Variants in GALNT10 observed in about 807,000 individuals in gnomAD.
The protein encoded by GALNT10 is GalNAc transferase 10.
A neutral mutation model predicts 75.0 loss-of-function variants in GALNT10; 41 were observed. That is an observed-to-expected ratio of 0.55 (90% CI 0.43 to 0.71). GALNT10 has a LOEUF of 0.71. Ranked by LOEUF, GALNT10 falls within the 30% of genes least tolerant of loss-of-function variation. The pLI, the probability that GALNT10 is intolerant of heterozygous loss-of-function variation, is 0.00. For missense variants in GALNT10, 727 were observed against 818.5 expected (o/e 0.89, Z 1.36); for synonymous variants, 302 against 313.0 (o/e 0.96, Z 0.37).
chr5:154,381,637 T>C (rs1446299309), intron 6 of GALNT10, among the ~76,000 whole-genome samples: 1 of 152,222 alleles, frequency 6.6e-6, no homozygotes, highest in African/African-American at 2.4e-5. Flanking sequence ...AAAATCATAG[T>C]GTCGGCAGGG....
At chr5:154,338,212 C>A in intron 4 of GALNT10, 2 of 752,568 alleles carry the variant, frequency 2.7e-6, no homozygotes, top group South Asian at 2.7e-5. Context: ...GCCTTGCATT[C>A]ATGGCTGCAT....
chr5:154,273,783 C>A (rs1368453320), intron 1 of GALNT10, among the ~76,000 whole-genome samples: 1 of 152,074 alleles, frequency 6.6e-6, no homozygotes, highest in African/African-American at 2.4e-5. Context: ...TTAAAAATGC[C>A]GTGAAGGAGT....
intron 4 of GALNT10, among the ~76,000 whole-genome samples, chr5:154,330,908 G>GGGGTGTGTGT (rs769311099): frequency 9.9e-4 from 125 of 126,036 alleles, no homozygotes; most frequent in African/African-American, 2.1e-3. Context: ...AGACAGAGAG[G>GGGGTGTGTGT]GTGTGTGTGT....
chr5:154,405,182 C>T (rs1384227428), intron 8 of GALNT10, among the ~76,000 whole-genome samples: 10 of 152,162 alleles, frequency 6.6e-5, no homozygotes, highest in Non-Finnish European at 1.3e-4. Context: ...CTGTCCAGGG[C>T]GCTGCCTCCT....
intron 4 of GALNT10, among the ~76,000 whole-genome samples, chr5:154,331,087 G>A (rs2113119805): frequency 6.6e-6 from 1 of 152,100 alleles, no homozygotes; most frequent in Middle Eastern, 3.4e-3. Context: ...ACATATTTGT[G>A]TGAACATTGG....
chr5:154,347,637 C>T (rs1433773073), intron 4 of GALNT10, among the ~76,000 whole-genome samples: 1 of 152,238 alleles, frequency 6.6e-6, no homozygotes, highest in African/African-American at 2.4e-5. Flanking sequence ...GCTGGGATTA[C>T]AGGCGTGAGC....
intron 4 of GALNT10, among the ~76,000 whole-genome samples, chr5:154,353,707 A>G (rs1755246171): frequency 6.6e-6 from 1 of 152,240 alleles, no homozygotes; most frequent in Admixed American, 6.5e-5. Context: ...AATAGGCAAC[A>G]GGCAGTGGAA....
Position 154,409,765 on chromosome 5 carries a change from G to A in GALNT10, c.1386+3G>A. The stretch of plus-strand genomic sequence containing the variant: ...CCCCGGCTGCAGCTTGGGGGGAGGT[G>A]AGTCTGGAGGGCAGGGCTGGCTCCA... On this transcript the variant is annotated splice_donor_region_variant and intron_variant, in intron 9 of 11. Transcript: ENST00000297107. This position sits in a 1 kb window ranked among gnomAD's most constrained non-coding sequence, Gnocchi z 4.5. 4 of 1,595,194 alleles carry A rather than the reference G, an allele frequency of 2.5e-6. No homozygotes were observed. The highest frequency in any genetic ancestry group is 1.3e-5 in the African/African-American group (1 of 74,668).
At chr5:154,193,380 C>G (rs561465258) in intron 1 of GALNT10, among the ~76,000 whole-genome samples, 1 of 152,180 alleles carries the variant, frequency 6.6e-6, no homozygotes, top group Non-Finnish European at 1.5e-5. Context: ...GCCCCCAGTC[C>G]GTTGTTTGAA....
chr5:154,368,972 G>A (rs919165316), intron 4 of GALNT10, among the ~76,000 whole-genome samples: 1 of 152,182 alleles, frequency 6.6e-6, no homozygotes, highest in Non-Finnish European at 1.5e-5. Flanking sequence ...TACCTGCTAT[G>A]ATTCCTGGCT....
At chr5:154,251,087 A>G (rs1330436755) in intron 1 of GALNT10, among the ~76,000 whole-genome samples, 3 of 152,158 alleles carry the variant, frequency 2.0e-5, no homozygotes, top group African/African-American at 7.2e-5. Flanking sequence ...AAGCTAAACA[A>G]AACTGTGAAC....
chr5:154,250,269 T>A (rs1467159430), intron 1 of GALNT10, among the ~76,000 whole-genome samples: 1 of 152,184 alleles, frequency 6.6e-6, no homozygotes, highest in African/African-American at 2.4e-5. Flanking sequence ...CATTTTGGTC[T>A]TTCTTTCTTG....
chr5:154,215,211 A>G (rs928671998), intron 1 of GALNT10, among the ~76,000 whole-genome samples: 1 of 152,006 alleles, frequency 6.6e-6, no homozygotes, highest in Non-Finnish European at 1.5e-5. Flanking sequence ...GCCTGGGCGC[A>G]GTGGCTCACG....
chr5:154,402,747 G>T lies in GALNT10; in HGVS notation c.1057-1357G>T, dbSNP rs1336492652. ...GACCTGGCTGGCAAATTAGTGCTGT[G>T]GGCAGGAGGCCTCAGCTCTCACCGC... On this transcript the variant is annotated intron_variant, in intron 7 of 11. Coordinates refer to ENST00000297107, the MANE Select transcript of GALNT10 (RefSeq NM_198321.4). This position sits in a 1 kb window ranked among gnomAD's most constrained non-coding sequence, Gnocchi z 4.2. 6.6e-6 allele frequency: 1 copy of T among 152,272 alleles called. No homozygotes were observed. The highest frequency in any genetic ancestry group is 1.5e-5 in the Non-Finnish European group (1 of 68,102). 9.4% of individuals were successfully genotyped at this position (152,272 alleles called of 1,614,324 possible). A position where few individuals can be genotyped will look rare whatever the true frequency, so the allele number is the denominator to read the frequency against.
At chr5:154,313,152 T>C (rs966306129) in intron 3 of GALNT10, among the ~76,000 whole-genome samples, 2 of 151,774 alleles carry the variant, frequency 1.3e-5, no homozygotes, top group African/African-American at 4.8e-5. Flanking sequence ...CTACGAAAAA[T>C]ACAAAAATTA....
intron 1 of GALNT10, among the ~76,000 whole-genome samples, chr5:154,273,345 A>G (rs1753899435): frequency 6.6e-6 from 1 of 152,188 alleles, no homozygotes; most frequent in South Asian, 2.1e-4. Flanking sequence ...AAGATCGTGG[A>G]GAAATAAAGT....
At chr5:154,273,899 G>T (rs937944125) in intron 1 of GALNT10, among the ~76,000 whole-genome samples, 3 of 152,126 alleles carry the variant, frequency 2.0e-5, no homozygotes, top group Non-Finnish European at 2.9e-5. Context: ...AGAAATTGGG[G>T]CCCCTCTTGC....
chr5:154,329,092 A>G (rs2113116886), intron 3 of GALNT10, among the ~76,000 whole-genome samples: 1 of 152,270 alleles, frequency 6.6e-6, no homozygotes, highest in Middle Eastern at 3.4e-3. Flanking sequence ...TCTGTCACCC[A>G]GAAAACACCA....
chr5:154,297,785 C>T (rs1353827185), intron 2 of GALNT10, among the ~76,000 whole-genome samples, 156 bp from the exon 3 acceptor site: 2 of 113,486 alleles, frequency 1.8e-5, no homozygotes, highest in Non-Finnish European at 3.8e-5. Context: ...GCTTGCTCCC[C>T]TCCTACTCTT....
Sources: allele counts gnomAD v4.1 joint callset (sites outside exome capture counted in the v4.1 genomes callset), GRCh38; gene constraint gnomAD v4.1.1; non-coding constraint Gnocchi (gnomAD v3.1); transcripts MANE v1.5; gene names NCBI Gene and HGNC (gene_info 2026-07-23, HGNC 2026-07-21).